The following PUDP variants were observed in gnomAD, a reference collection of about 807,000 sequenced individuals.
PUDP encodes the protein pseudouridine-5'-phosphatase.
In PUDP, 8 loss-of-function variants were observed where a neutral mutation model predicts 9.4. The ratio of observed to expected loss-of-function variants is 0.85; its 90% confidence interval spans 0.50 to 1.53. The LOEUF (loss-of-function observed/expected upper bound fraction) is 1.53, where lower values mean the gene tolerates loss of function less well. Ranked by LOEUF, PUDP falls within the 40% of genes most tolerant of loss-of-function variation. PUDP has a pLI of 0.00. For missense variants in PUDP, 188 were observed against 189.7 expected (o/e 0.99, Z 0.05); for synonymous variants, 99 against 80.7 (o/e 1.23, Z -1.22).
At chrX:6,861,550 A>C (rs900859169) in intron 3 of PUDP, among the ~76,000 whole-genome samples, 17 of 112,283 alleles carry the variant, frequency 1.5e-4, no homozygotes, top group African/African-American at 5.5e-4. Context: ...CACATAGCAC[A>C]ATTTGAGAAA....
intron 3 of PUDP, among the ~76,000 whole-genome samples, chrX:6,914,804 G>C (rs1369045842): frequency 2.7e-5 from 3 of 112,552 alleles, no homozygotes; most frequent in Non-Finnish European, 5.6e-5. Flanking sequence ...GGTACTAAAT[G>C]AAATAGAGCC....
At chrX:6,815,975 A>G (rs1926224827) in intron 3 of PUDP, among the ~76,000 whole-genome samples, 1 of 106,713 alleles carries the variant, frequency 9.4e-6, no homozygotes, top group African/African-American at 3.4e-5. Flanking sequence ...TATATATAGT[A>G]TATACATTAT....
At chrX:7,141,590 G>A (rs1932795779) in intron 1 of PUDP, among the ~76,000 whole-genome samples, 5 of 113,123 alleles carry the variant, frequency 4.4e-5, no homozygotes, top group African/African-American at 9.6e-5. Flanking sequence ...TGGAGAGGCC[G>A]CAGCAAGTTA....
intron 3 of PUDP, among the ~76,000 whole-genome samples, chrX:6,854,689 G>A (rs372279153): frequency 9.0e-6 from 1 of 111,170 alleles, no homozygotes; most frequent in Non-Finnish European, 1.9e-5. Context: ...TATTAAGAAC[G>A]TTATAAGAAA....
At chrX:6,741,825 TCTC>T (rs1411982666) in intron 3 of PUDP, among the ~76,000 whole-genome samples, 12 of 98,182 alleles carry the variant, frequency 1.2e-4, no homozygotes, top group African/African-American at 5.0e-4. Context: ...TCTCTCTCTC[TCTC>T]TCTTTCTTTC....
intron 3 of PUDP, among the ~76,000 whole-genome samples, chrX:6,740,171 T>A (rs1427928495): frequency 8.9e-6 from 1 of 111,995 alleles, no homozygotes; most frequent in Non-Finnish European, 1.9e-5. Flanking sequence ...TCACCCTGCA[T>A]TCCATGGAAT....
intron 1 of PUDP, among the ~76,000 whole-genome samples, chrX:6,984,910 G>C (rs1166920183): frequency 8.9e-6 from 1 of 112,104 alleles, no homozygotes; most frequent in Non-Finnish European, 1.9e-5. Flanking sequence ...TGAAAGCATA[G>C]AGTCAAGAAA....
Position 6,935,088 on chromosome X carries a change from A to G in PUDP, c.*247+42045T>C, listed in dbSNP as rs1295945003. Among the ~76,000 whole-genome samples, 14 of 93,577 alleles carry G rather than the reference A, an allele frequency of 1.5e-4. No individual in the cohort carries two copies. The South Asian group carries it at 3.7e-3, about 25-fold the overall frequency. The allele number at this position is 93,577 out of a possible 115,157, so 81.3% of individuals were successfully genotyped here. On this transcript the variant is annotated intron_variant and NMD_transcript_variant, in intron 3 of 3. Coordinates refer to the PUDP transcript ENST00000655425. ...AGACAAATCAACGAGACAGAAAGTC[A>G]ACAAGGATACCCAGGAATTGAACTC... is the stretch of plus-strand genomic sequence containing the variant.
At chrX:7,125,362 A>G (rs972603146) in intron 1 of PUDP, among the ~76,000 whole-genome samples, 2 of 111,990 alleles carry the variant, frequency 1.8e-5, no homozygotes, top group Admixed American at 1.9e-4. Flanking sequence ...ACAAACATAG[A>G]GCTCTAGATG....
At chrX:6,874,136 A>C (rs1190976592) in intron 3 of PUDP, among the ~76,000 whole-genome samples, 1 of 45,489 alleles carries the variant, frequency 2.2e-5, no homozygotes, top group Non-Finnish European at 7.9e-5. Context: ...CCCATCTCTT[A>C]AAAAAAAAAG....
At chrX:6,925,998 A>G (rs1040184664) in intron 3 of PUDP, among the ~76,000 whole-genome samples, 6 of 111,442 alleles carry the variant, frequency 5.4e-5, no homozygotes, top group African/African-American at 2.0e-4. Context: ...TCTGTATTTT[A>G]ACATGAATGC....
At chrX:6,753,430 CAT>C (rs1170323254) in intron 3 of PUDP, among the ~76,000 whole-genome samples, 3 of 102,770 alleles carry the variant, frequency 2.9e-5, no homozygotes, top group East Asian at 3.1e-4. Flanking sequence ...CTGCTATAAA[CAT>C]GTGTGTGCAA....
intron 1 of PUDP, among the ~76,000 whole-genome samples, chrX:6,714,993 A>ATATGTGTG (rs1555907281): frequency 9.5e-6 from 1 of 104,892 alleles, no homozygotes; most frequent in African/African-American, 3.5e-5. Context: ...ATATATATAT[A>ATATGTGTG]TGTGTGTGTG....
At chrX:6,860,508 T>C (rs534678333) in intron 3 of PUDP, among the ~76,000 whole-genome samples, 2 of 107,740 alleles carry the variant, frequency 1.9e-5, no homozygotes, top group South Asian at 4.4e-4. Context: ...TCTCACTCTG[T>C]TGGCCAGGCT....
At chrX:7,121,723 A>C (rs1309984189) in intron 1 of PUDP, among the ~76,000 whole-genome samples, 3 of 111,205 alleles carry the variant, frequency 2.7e-5, no homozygotes, top group African/African-American at 9.8e-5. Context: ...CTTTCTAACT[A>C]GCATGCAGTG....
At chrX:7,053,722 G>A (rs1043334650) in intron 3 of PUDP, among the ~76,000 whole-genome samples, 1 of 111,306 alleles carries the variant, frequency 9.0e-6, no homozygotes, top group Admixed American at 9.5e-5. Context: ...GACTAATACA[G>A]GGGGTCTGCA....
chrX:6,761,413 C>A (rs996743035), intron 3 of PUDP, among the ~76,000 whole-genome samples: 1 of 112,064 alleles, frequency 8.9e-6, no homozygotes, highest in Admixed American at 9.5e-5. Flanking sequence ...TTTCTGACCC[C>A]TTTGTGAACA....
At chrX:7,027,859 A>C (rs12853422) in intron 1 of PUDP, among the ~76,000 whole-genome samples, 2 of 86,343 alleles carry the variant, frequency 2.3e-5, no homozygotes, top group Non-Finnish European at 4.3e-5. Context: ...CTATATATAG[A>C]CTATATATAT....
intron 2 of PUDP, among the ~76,000 whole-genome samples, chrX:7,079,305 T>C (rs1338728827): frequency 2.7e-5 from 3 of 112,515 alleles, no homozygotes; most frequent in East Asian, 5.6e-4. Context: ...AAACATCAAA[T>C]AGCAGAGCTT....
Sources: allele counts gnomAD v4.1 joint callset (sites outside exome capture counted in the v4.1 genomes callset), GRCh38; gene constraint gnomAD v4.1.1; transcripts MANE v1.5; gene names NCBI Gene and HGNC (gene_info 2026-07-23, HGNC 2026-07-21).